GRIA3: variants seen among roughly 807,000 people sequenced by gnomAD.
The protein encoded by GRIA3 is glutamate receptor 3.
Under a neutral mutation model 63.0 loss-of-function variants are expected in GRIA3, and 3 were observed. The ratio of observed to expected loss-of-function variants is 0.05; its 90% CI spans 0.02 to 0.12. GRIA3 has a LOEUF of 0.12. GRIA3 is among the 10% of genes least tolerant of loss of function. The pLI is 1.00. For synonymous variants in GRIA3, 274 were observed against 257.9 expected (o/e 1.06, Z -0.60); for missense variants, 347 against 700.9 (o/e 0.50, Z 5.70).
At chrX:123,336,824 T>C (rs1429576490) in intron 4 of GRIA3, among the ~76,000 whole-genome samples, 1 of 111,466 alleles carries the variant, frequency 9.0e-6, no homozygotes, top group African/African-American at 3.3e-5. Context: ...ACTTCAGCCA[T>C]AAACTATAAA....
At chrX:123,429,876 A>T (rs1254492129) in intron 12 of GRIA3, among the ~76,000 whole-genome samples, 5 of 112,369 alleles carry the variant, frequency 4.4e-5, no homozygotes, top group Non-Finnish European at 9.4e-5. Context: ...GTTGTGCTTT[A>T]AATGGTAATC....
intron 3 of GRIA3, among the ~76,000 whole-genome samples, chrX:123,280,391 T>A (rs1759831706): frequency 8.9e-6 from 1 of 112,401 alleles, no homozygotes; most frequent in Admixed American, 9.4e-5. Context: ...GCTATCAAAC[T>A]GGTTCTGTGG....
At chrX:123,251,865 TC>T (rs1409158871) in intron 2 of GRIA3, among the ~76,000 whole-genome samples, 1 of 112,101 alleles carries the variant, frequency 8.9e-6, no homozygotes, top group Non-Finnish European at 1.9e-5. Context: ...AATGCTACCC[TC>T]AAGCCAATGG....
intron 5 of GRIA3, 44 bp downstream of exon 5, chrX:123,355,007 T>C (rs1465594843): frequency 3.0e-6 from 3 of 990,969 alleles, no homozygotes; most frequent in Non-Finnish European, 4.3e-6. Context: ...CCTATTTAGT[T>C]TGAATTTTTC....
intron 3 of GRIA3, among the ~76,000 whole-genome samples, chrX:123,306,857 C>T (rs2044757993): frequency 8.9e-6 from 1 of 111,837 alleles, no homozygotes; most frequent in African/African-American, 3.3e-5. Flanking sequence ...TGATCACACA[C>T]CATTTTCTGA....
intron 3 of GRIA3, among the ~76,000 whole-genome samples, chrX:123,304,593 C>CT (rs2044743790): frequency 8.9e-6 from 1 of 111,798 alleles, no homozygotes; most frequent in African/African-American, 3.3e-5. Context: ...CCCAAGTTGA[C>CT]TAAGCACAGA....
intron 12 of GRIA3, among the ~76,000 whole-genome samples, chrX:123,444,322 T>C (rs10521721): frequency 0.12 from 13,769 of 110,788 alleles, 726 homozygotes; most frequent in Admixed American, 0.2. Flanking sequence ...ATTAGGAGGA[T>C]GTAAATGTTA....
At chrX:123,201,142 A>G (rs923474679) in intron 2 of GRIA3, among the ~76,000 whole-genome samples, 1 of 112,416 alleles carries the variant, frequency 8.9e-6, no homozygotes, top group Non-Finnish European at 1.9e-5. Flanking sequence ...AGGGAAATAG[A>G]GTACAGATTT....
chrX:123,241,563 G>C (rs1000854983), intron 2 of GRIA3, among the ~76,000 whole-genome samples: 2 of 110,449 alleles, frequency 1.8e-5, no homozygotes, highest in Non-Finnish European at 3.8e-5. Context: ...AGAATTGGGG[G>C]GTGGGGAGGG....
At chrX:123,365,384 T>G (rs943948408) in intron 5 of GRIA3, among the ~76,000 whole-genome samples, 18 of 111,746 alleles carry the variant, frequency 1.6e-4, no homozygotes, top group African/African-American at 5.8e-4. Context: ...AAGATACCAA[T>G]GTTAAAAGAG....
At chrX:123,477,790 G>A (rs756838554) in intron 13 of GRIA3, among the ~76,000 whole-genome samples, 1 of 111,671 alleles carries the variant, frequency 9.0e-6, no homozygotes, top group Non-Finnish European at 1.9e-5. Flanking sequence ...ACCTTAGTGT[G>A]AGTACCTTTA....
intron 6 of GRIA3, among the ~76,000 whole-genome samples, chrX:123,396,577 T>C (rs1014226494): frequency 6.3e-5 from 7 of 111,555 alleles, no homozygotes; most frequent in African/African-American, 2.0e-4. Context: ...ATGAATCCTT[T>C]GTAATCAAAA....
intron 5 of GRIA3, among the ~76,000 whole-genome samples, chrX:123,382,797 C>A (rs1268034573): frequency 1.8e-5 from 2 of 112,192 alleles, no homozygotes; most frequent in Non-Finnish European, 3.8e-5. Flanking sequence ...TTGGGGGACC[C>A]TTTCTCCCTC....
chrX:123,188,893 C>T (rs1231239238), intron 2 of GRIA3, among the ~76,000 whole-genome samples: 1 of 111,871 alleles, frequency 8.9e-6, no homozygotes, highest in African/African-American at 3.3e-5. Flanking sequence ...TCTCCCTCCA[C>T]ATCACCCACC....
At chrX:123,371,176 C>T (rs749771175) in intron 5 of GRIA3, among the ~76,000 whole-genome samples, 1 of 110,295 alleles carries the variant, frequency 9.1e-6, no homozygotes, top group Non-Finnish European at 1.9e-5. Flanking sequence ...AGCATAATGA[C>T]CTCCAGTTCC....
At chrX:123,421,613 C>T (rs1051435688) in intron 11 of GRIA3, among the ~76,000 whole-genome samples, 4 of 112,148 alleles carry the variant, frequency 3.6e-5, no homozygotes, top group African/African-American at 9.7e-5. Flanking sequence ...TATGAGACCA[C>T]ATTTTAAAGT....
intron 3 of GRIA3, among the ~76,000 whole-genome samples, chrX:123,320,529 T>C (rs2044861071): frequency 1.8e-5 from 2 of 111,460 alleles, no homozygotes; most frequent in African/African-American, 6.5e-5. Flanking sequence ...TTGGTAGTGA[T>C]AGGCCTACTC....
intron 14 of GRIA3, among the ~76,000 whole-genome samples, chrX:123,480,541 A>C (rs1241667114): frequency 8.9e-6 from 1 of 112,489 alleles, no homozygotes; most frequent in Non-Finnish European, 1.9e-5. Context: ...AGAAAGATTT[A>C]TTTGTGACAG....
intron 5 of GRIA3, among the ~76,000 whole-genome samples, chrX:123,369,000 C>A (rs1425212464): frequency 9.0e-6 from 1 of 111,197 alleles, no homozygotes; most frequent in Non-Finnish European, 1.9e-5. Flanking sequence ...CCCAAAAGTG[C>A]AGACTTTGGG....
Sources: allele counts gnomAD v4.1 joint callset (sites outside exome capture counted in the v4.1 genomes callset), GRCh38; gene constraint gnomAD v4.1.1; transcripts MANE v1.5; gene names NCBI Gene and HGNC (gene_info 2026-07-23, HGNC 2026-07-21).